Variants in DOCK2 observed in about 807,000 individuals in gnomAD.
DOCK2 encodes the protein dedicator of cytokinesis protein 2.
A neutral mutation model predicts 248.9 loss-of-function variants in DOCK2; 87 were observed. The ratio of observed to expected loss-of-function variants is 0.35; its 90% CI spans 0.29 to 0.42. DOCK2 has a LOEUF of 0.42. Among genes scored for constraint, DOCK2 ranks in the 10% least tolerant of loss-of-function variants. DOCK2 has a pLI of 1.00. For synonymous variants in DOCK2, 805 were observed against 821.6 expected (o/e 0.98, Z 0.35); for missense variants, 1,747 against 2,300.2 (o/e 0.76, Z 4.92).
intron 26 of DOCK2, among the ~76,000 whole-genome samples, chr5:169,832,346 A>G (rs1769277679): frequency 6.6e-6 from 1 of 152,218 alleles, no homozygotes; most frequent in Non-Finnish European, 1.5e-5. Flanking sequence ...ACAAAGTGCA[A>G]GACATGTGTG....
At chr5:170,057,536 G>A (rs750776302) in intron 43 of DOCK2, 44 bp from the exon 44 acceptor site, 41 of 1,577,484 alleles carry the variant, frequency 2.6e-5, no homozygotes, top group Admixed American at 6.7e-5. Context: ...TCATAAATGT[G>A]TTTGTTGCTT....
At chr5:170,069,388 T>C (rs945579604) in intron 46 of DOCK2, among the ~76,000 whole-genome samples, 168 bp downstream of exon 46, 1 of 152,212 alleles carries the variant, frequency 6.6e-6, no homozygotes, top group African/African-American at 2.4e-5. Flanking sequence ...AGCAGGTTCA[T>C]CCTGGAACAG....
intron 25 of DOCK2, among the ~76,000 whole-genome samples, chr5:169,796,891 A>G (rs1030986866): frequency 3.3e-5 from 5 of 152,232 alleles, no homozygotes; most frequent in African/African-American, 9.6e-5. Context: ...GTGAGCGCCC[A>G]CGATGAGTTA....
chr5:170,012,223 T>G (rs950934370), intron 32 of DOCK2, among the ~76,000 whole-genome samples: 3 of 151,622 alleles, frequency 2.0e-5, no homozygotes, highest in Non-Finnish European at 4.4e-5. Context: ...TGACCAACGA[T>G]CTACGCTTTT....
At position 170,008,225 on chromosome 5, in the gene DOCK2, CAA is replaced by C. The variant is rs60090712; in HGVS notation, c.3073-260_3073-259del. On this transcript the variant is annotated intron_variant, in intron 30 of 51. Transcript: ENST00000520908. ...ACAACAACAACAACAACAACAACAA[CAA>C]AAAAAAAAAAACCTAAAATTCTCCT... is the stretch of plus-strand genomic sequence containing the variant. Among the ~76,000 whole-genome samples, 318 of 113,962 alleles carry C rather than the reference CAA, an allele frequency of 2.8e-3. 3 individuals are homozygous for C. The highest frequency in any genetic ancestry group is 7.7e-3 in the African/African-American group (257 of 33,310). The allele number at this position is 113,962 out of a possible 152,430, so 74.8% of individuals were successfully genotyped here. A position where few individuals can be genotyped will look rare whatever the true frequency, so the allele number is the denominator to read the frequency against.
intron 26 of DOCK2, among the ~76,000 whole-genome samples, chr5:169,804,854 T>G (rs1040581876): frequency 2.0e-5 from 3 of 152,164 alleles, no homozygotes; most frequent in Non-Finnish European, 4.4e-5. Flanking sequence ...CCTACCTCAT[T>G]TAATGGAAAG....
intron 6 of DOCK2, among the ~76,000 whole-genome samples, chr5:169,675,129 C>T (rs1309631093): frequency 2.0e-5 from 3 of 152,066 alleles, no homozygotes; most frequent in South Asian, 2.1e-4. Context: ...ATAAAGAAAC[C>T]GAGGGTTTTC....
intron 27 of DOCK2, among the ~76,000 whole-genome samples, chr5:169,970,053 G>A (rs151228410): frequency 3.3e-5 from 5 of 152,378 alleles, no homozygotes; most frequent in African/African-American, 7.2e-5. Flanking sequence ...CTACAGTGAT[G>A]TAAGTGAAGC....
At chr5:169,701,363 G>C (rs908990724) in intron 13 of DOCK2, among the ~76,000 whole-genome samples, 1 of 152,148 alleles carries the variant, frequency 6.6e-6, no homozygotes, top group African/African-American at 2.4e-5. Context: ...TTCCGTTCAC[G>C]ATGGCTCTCA....
At chr5:170,082,701 T>C in intron 51 of DOCK2, 95 bp from the exon 52 acceptor site, 1 of 1,481,576 alleles carries the variant, frequency 6.7e-7, no homozygotes, top group African/African-American at 1.4e-5. Flanking sequence ...CAGGGGTCAG[T>C]GTTGAGGCCC....
In DOCK2 at chr5:169,805,780, T is replaced by C. The variant is rs151233882; in HGVS notation, c.2703+2574T>C. ...TACTTAGGGCTTCAAAGCCAAGAAG[T>C]GAGTGGGAGGCTCTGAGCTCCCCGT... On this transcript the variant is annotated intron_variant, in intron 26 of 51. Coordinates refer to ENST00000520908, the MANE Select transcript of DOCK2 (RefSeq NM_004946.3). 4.2e-3 allele frequency among the ~76,000 whole-genome samples: 638 copies of C among 152,272 alleles called. 3 individuals are homozygous for C. The highest frequency in any genetic ancestry group is 6.7e-3 in the Non-Finnish European group (456 of 68,020).
chr5:169,831,954 T>A (rs1477420966), intron 26 of DOCK2, among the ~76,000 whole-genome samples: 1 of 152,132 alleles, frequency 6.6e-6, no homozygotes, highest in African/African-American at 2.4e-5. Context: ...TTTCATAATA[T>A]TGAAAGAAGT....
At chr5:169,729,329 G>C (rs1351841695) in intron 22 of DOCK2, among the ~76,000 whole-genome samples, 1 of 152,146 alleles carries the variant, frequency 6.6e-6, no homozygotes, top group Non-Finnish European at 1.5e-5. Flanking sequence ...AGGAGAATTT[G>C]TTTCCTTAGT....
At chr5:169,917,486 T>C (rs1224941183) in intron 27 of DOCK2, among the ~76,000 whole-genome samples, 1 of 152,226 alleles carries the variant, frequency 6.6e-6, no homozygotes, top group Non-Finnish European at 1.5e-5. Flanking sequence ...AGCAGATTAT[T>C]TTTTGATAAT....
intron 27 of DOCK2, among the ~76,000 whole-genome samples, chr5:169,848,393 A>G (rs1231482042): frequency 2.6e-5 from 4 of 152,202 alleles, no homozygotes; most frequent in African/African-American, 9.7e-5. Flanking sequence ...CCTTCCAGGA[A>G]GATATTGTCC....
At chr5:169,943,503 A>T (rs1036428141) in intron 27 of DOCK2, among the ~76,000 whole-genome samples, 2 of 152,160 alleles carry the variant, frequency 1.3e-5, no homozygotes, top group Non-Finnish European at 2.9e-5. Context: ...TTGAGAAAAC[A>T]GAAGGTCCCA....
chr5:169,810,979 TCTCTCTCTCTCACA>T (rs1206369959), intron 26 of DOCK2, among the ~76,000 whole-genome samples: 6 of 136,298 alleles, frequency 4.4e-5, no homozygotes, highest in African/African-American at 9.5e-5. Flanking sequence ...AGACTCTCTC[TCTCTCTCTCTCACA>T]CACACACACA....
At chr5:169,879,709 A>G (rs1399082957) in intron 27 of DOCK2, among the ~76,000 whole-genome samples, 1 of 152,158 alleles carries the variant, frequency 6.6e-6, no homozygotes, top group Non-Finnish European at 1.5e-5. Flanking sequence ...GTCACTTTTA[A>G]TTCGGTTTAG....
At chr5:169,735,581 A>G (rs760611468) in intron 22 of DOCK2, among the ~76,000 whole-genome samples, 40 of 152,214 alleles carry the variant, frequency 2.6e-4, no homozygotes, top group Admixed American at 1.3e-3. Context: ...TTTTACATGT[A>G]TAGACGTCAG....
Sources: allele counts gnomAD v4.1 joint callset (sites outside exome capture counted in the v4.1 genomes callset), GRCh38; gene constraint gnomAD v4.1.1; transcripts MANE v1.5; gene names NCBI Gene and HGNC (gene_info 2026-07-23, HGNC 2026-07-21).